The following KCNIP1 variants were observed in gnomAD, a reference collection of about 807,000 sequenced individuals.
KCNIP1 encodes the protein potassium voltage-gated channel interacting protein 1, also known as A-type potassium channel modulatory protein KCNIP1.
Under a neutral mutation model 33.0 loss-of-function variants are expected in KCNIP1, and 18 were observed. That is an observed-to-expected ratio of 0.55 (90% CI 0.38 to 0.81). The LOEUF (loss-of-function observed/expected upper bound fraction) is 0.81. Ranked by LOEUF, KCNIP1 falls within the 30% of genes least tolerant of loss-of-function variation. KCNIP1 has a pLI of 0.00. For synonymous variants in KCNIP1, 93 were observed against 98.3 expected (o/e 0.95, Z 0.32); for missense variants, 238 against 271.6 (o/e 0.88, Z 0.87).
intron 1 of KCNIP1, among the ~76,000 whole-genome samples, chr5:170,390,735 C>T (rs1754553992): frequency 6.6e-6 from 1 of 151,634 alleles, no homozygotes; most frequent in Non-Finnish European, 1.5e-5. Flanking sequence ...TTCCAGATGG[C>T]ACAGCTTGGT....
chr5:170,439,161 G>A (rs1755931635), intron 1 of KCNIP1, among the ~76,000 whole-genome samples: 1 of 152,172 alleles, frequency 6.6e-6, no homozygotes, highest in South Asian at 2.1e-4. Context: ...GGGAATAAGG[G>A]CTTCTATACC....
intron 1 of KCNIP1, among the ~76,000 whole-genome samples, chr5:170,466,647 G>C (rs974659746): frequency 2.0e-5 from 3 of 152,178 alleles, no homozygotes; most frequent in Non-Finnish European, 2.9e-5. Context: ...GGGAAGTCTA[G>C]GATCAAGGTG....
intron 1 of KCNIP1, among the ~76,000 whole-genome samples, chr5:170,491,713 A>G (rs1165339678): frequency 6.6e-6 from 1 of 152,206 alleles, no homozygotes; most frequent in Admixed American, 6.5e-5. Context: ...CCAAGAGTAA[A>G]TGTGCATCTA....
chr5:170,730,072 T>G (rs1056472473), intron 5 of KCNIP1, among the ~76,000 whole-genome samples: 4 of 152,116 alleles, frequency 2.6e-5, no homozygotes, highest in African/African-American at 9.7e-5. Flanking sequence ...ATTAGTATGA[T>G]ATATTAAATT....
chr5:170,479,669 A>G (rs1756931944), intron 1 of KCNIP1, among the ~76,000 whole-genome samples: 1 of 152,166 alleles, frequency 6.6e-6, no homozygotes, highest in African/African-American at 2.4e-5. Context: ...TAAGGGTAAT[A>G]CCGAGTTGTT....
intron 1 of KCNIP1, chr5:170,483,255 G>A: frequency 3.6e-6 from 1 of 277,934 alleles, no homozygotes; most frequent in Non-Finnish European, 7.1e-6. Flanking sequence ...ATCCCAGGCT[G>A]GGGACCTTTG....
chr5:170,551,680 G>A (rs1398754992), intron 1 of KCNIP1, among the ~76,000 whole-genome samples: 3 of 151,764 alleles, frequency 2.0e-5, no homozygotes, highest in Non-Finnish European at 2.9e-5. Flanking sequence ...TTGTGAGAGT[G>A]TGGATGAGAG....
chr5:170,657,841 G>A (rs1418107607), intron 1 of KCNIP1, among the ~76,000 whole-genome samples: 1 of 152,188 alleles, frequency 6.6e-6, no homozygotes, highest in Admixed American at 6.5e-5. Context: ...TGACTGCACA[G>A]CAACCCATGC....
At chr5:170,423,410 A>C (rs1425842963) in intron 1 of KCNIP1, among the ~76,000 whole-genome samples, 1 of 150,776 alleles carries the variant, frequency 6.6e-6, no homozygotes, top group African/African-American at 2.4e-5. Flanking sequence ...ACACAATAAA[A>C]CCCCCTTGTG....
intron 1 of KCNIP1, among the ~76,000 whole-genome samples, chr5:170,390,822 T>C (rs74693474): frequency 2.4e-3 from 372 of 152,104 alleles, no homozygotes; most frequent in African/African-American, 8.7e-3. Flanking sequence ...CACCTGAGGC[T>C]CTGGAGGTCA....
intron 1 of KCNIP1, among the ~76,000 whole-genome samples, chr5:170,660,050 TA>T (rs2113744449): frequency 6.6e-6 from 1 of 152,236 alleles, no homozygotes; most frequent in Non-Finnish European, 1.5e-5. Context: ...TGCAAGGAAA[TA>T]AGCTCATCTC....
chr5:170,680,982 G>C, intron 1 of KCNIP1: 1 of 398,870 alleles, frequency 2.5e-6, no homozygotes, highest in South Asian at 1.3e-4. Context: ...GTGCACTTTA[G>C]AACAGCAGGA....
chr5:170,619,549 C>T (rs1759522649), intron 1 of KCNIP1, among the ~76,000 whole-genome samples: 1 of 152,140 alleles, frequency 6.6e-6, no homozygotes, highest in South Asian at 2.1e-4. Flanking sequence ...GGTGTCTTGA[C>T]CAAAATGAGA....
intron 1 of KCNIP1, among the ~76,000 whole-genome samples, chr5:170,632,027 G>A (rs933336333): frequency 6.6e-6 from 1 of 152,192 alleles, no homozygotes; most frequent in Non-Finnish European, 1.5e-5. Context: ...GGAGCTAAAG[G>A]GGCCCACGCT....
chr5:170,540,987 A>G (rs564311611), intron 1 of KCNIP1, among the ~76,000 whole-genome samples: 5 of 152,304 alleles, frequency 3.3e-5, no homozygotes, highest in African/African-American at 1.2e-4. Flanking sequence ...GATCTCATCT[A>G]TAGAATGGGG....
chr5:170,657,114 G>C (rs1488690909), intron 1 of KCNIP1, among the ~76,000 whole-genome samples: 1 of 149,330 alleles, frequency 6.7e-6, no homozygotes, highest in Non-Finnish European at 1.5e-5. Flanking sequence ...TCCTGCCTCA[G>C]CCTCCTGAGT....
chr5:170,508,875 G>A (rs1349233499), intron 1 of KCNIP1, among the ~76,000 whole-genome samples: 5 of 152,052 alleles, frequency 3.3e-5, no homozygotes, highest in Admixed American at 6.5e-5. Context: ...ACTCACAATC[G>A]CGCTTGGAAT....
chr5:170,715,201 T>C (rs145001027), intron 1 of KCNIP1, among the ~76,000 whole-genome samples: 107 of 152,328 alleles, frequency 7.0e-4, no homozygotes, highest in African/African-American at 2.4e-3. Context: ...TACAGGTTTA[T>C]AGCCTAGGAG....
intron 1 of KCNIP1, among the ~76,000 whole-genome samples, chr5:170,622,915 A>G (rs1355410130): frequency 6.6e-6 from 1 of 152,190 alleles, no homozygotes; most frequent in African/African-American, 2.4e-5. Flanking sequence ...AGTGGAAGAC[A>G]ATTTTTCCAC....
Sources: gnomAD v4.1 joint callset for allele counts (sites outside exome capture counted in the v4.1 genomes callset) on GRCh38, gnomAD v4.1.1 for gene constraint, MANE v1.5 for transcripts, NCBI Gene and HGNC (gene_info 2026-07-23, HGNC 2026-07-21) for gene names.